Variants in TRPA1 observed in about 807,000 individuals in gnomAD.
TRPA1 encodes ankyrin-like with transmembrane domains 1.
In TRPA1, 129 loss-of-function variants were observed where a neutral mutation model predicts 131.3. The observed-to-expected ratio is 0.98, with a 90% confidence interval of 0.85 to 1.14. The LOEUF (loss-of-function observed/expected upper bound fraction) is 1.14, where lower values mean the gene tolerates loss of function less well. TRPA1 is among the 50% of genes most tolerant of loss of function. The probability of loss-of-function intolerance (pLI) is 0.00; values close to 1 mark genes in which losing one functional copy is unlikely to be tolerated. For synonymous variants in TRPA1, 441 were observed against 451.7 expected, an observed-to-expected ratio of 0.98 and a Z score of 0.30; for missense variants, 1,304 against 1,354.2, an observed-to-expected ratio of 0.96 and a Z score of 0.58.
At chr8:72,068,909 G>A (rs1256628596) in intron 3 of TRPA1, 114 bp downstream of exon 3, 1 of 1,058,570 alleles carries the variant, frequency 9.4e-7, no homozygotes, top group Non-Finnish European at 1.5e-6. Context: ...ATTGCATTTT[G>A]TTTGCCATGG....
chr8:72,083,399 T>C, the TRPA1 span, among the ~76,000 whole-genome samples: 3 of 152,278 alleles, frequency 2.0e-5, no homozygotes, highest in South Asian at 6.2e-4. Context: ...CTGGACGTTT[T>C]AGATGAATAT....
upstream of TRPA1, among the ~76,000 whole-genome samples, chr8:72,077,130 T>C (rs964090459): frequency 6.6e-6 from 1 of 152,172 alleles, no homozygotes; most frequent in African/African-American, 2.4e-5. Flanking sequence ...TTTTGATCGA[T>C]TGCTTTTCTC....
In TRPA1 at chr8:72,061,786, T is replaced by C. The variant is rs768622120; in HGVS notation, c.808-25A>G. The C allele has an allele frequency of 3.7e-6, 6 of 1,612,866 alleles. No homozygotes were observed. The South Asian group carries it at 5.5e-5, about 15-fold the overall frequency. On this transcript the variant is annotated intron_variant, in intron 6 of 26. Transcript: ENST00000262209. ...TCTGTAAAGGGTTTTAATGCTAGAA[T>C]CAATGTTTAAATCTCAATGAAAGAA... is the stretch of plus-strand genomic sequence containing the variant.
At chr8:72,045,198 C>A (rs1293302615) in intron 17 of TRPA1, among the ~76,000 whole-genome samples, 1 of 151,820 alleles carries the variant, frequency 6.6e-6, no homozygotes, top group Non-Finnish European at 1.5e-5. Flanking sequence ...GTTGCCATCA[C>A]CAGTGTTAAA....
At chr8:72,052,990 T>C in intron 13 of TRPA1, 2 of 394,308 alleles carry the variant, frequency 5.1e-6, no homozygotes, top group Non-Finnish European at 9.2e-6. Context: ...TGTGTGTGTG[T>C]GTGTGAGAGA....
At chr8:72,089,389 G>A in the TRPA1 span, among the ~76,000 whole-genome samples, 1 of 151,814 alleles carries the variant, frequency 6.6e-6, no homozygotes, top group African/African-American at 2.4e-5. Context: ...CAACCCACAC[G>A]AGTAAGACCA....
intron 17 of TRPA1, among the ~76,000 whole-genome samples, chr8:72,046,220 T>C (rs1020874267): frequency 1.3e-5 from 2 of 151,858 alleles, no homozygotes; most frequent in African/African-American, 2.4e-5. Flanking sequence ...AAAAAAAGGA[T>C]TGCTTTCTTT....
At position 72,050,845 on chromosome 8, in the gene TRPA1, C is replaced by T; in HGVS notation, c.1838G>A (p.Ser613Asn). Residue 613 changes from serine to asparagine, a missense_variant, in exon 15 of 27, where the codon AGT becomes AAT. Ser to Asn is a conservative substitution (Grantham distance 46). Coordinates refer to ENST00000262209, the MANE Select transcript of TRPA1 (RefSeq NM_007332.3). ...ACATTTATTGCCTGGAGAATTATGA[C>T]TGAAAATCTTAAGACATTCATCCCA... The part of the protein sequence containing the change: ...KRWDECLKIF[S>N]HNSPGNKCPI... 1 of 1,610,668 alleles carries T rather than the reference C, an allele frequency of 6.2e-7. No individual in the cohort carries two copies. The highest frequency in any genetic ancestry group is 8.5e-7 in the Non-Finnish European group (1 of 1,178,098).
intron 17 of TRPA1, among the ~76,000 whole-genome samples, chr8:72,041,655 T>G (rs1812255613): frequency 6.6e-6 from 1 of 151,736 alleles, no homozygotes. Context: ...AAAGTACATC[T>G]GGAAACAAAT....
At chr8:72,053,544 T>C (rs1805581664) in intron 13 of TRPA1, 1 of 583,980 alleles carries the variant, frequency 1.7e-6, no homozygotes, top group East Asian at 3.1e-5. Context: ...GACTGGAGGT[T>C]TCCCCAACAT....
chr8:72,057,631 ATGAATGTTCATTTGGCACACAG>A (rs1184525713), intron 9 of TRPA1, 64 bp downstream of exon 9: 4 of 1,023,110 alleles, frequency 3.9e-6, no homozygotes, highest in South Asian at 1.3e-5. Context: ...GTGGCACACA[ATGAATGTTCATTTGGCACACAG>A]TGAATGTTCA....
rs772226867 is a variant in TRPA1 at position 72,039,778 on chromosome 8, C to T, written c.2081G>A (p.Arg694His). 15 of 1,608,442 alleles carry T rather than the reference C, an allele frequency of 9.3e-6. No individual in the cohort carries two copies. The highest frequency in any genetic ancestry group is 1.1e-5 in the Non-Finnish European group (13 of 1,175,820). Residue 694 changes from arginine (R) to histidine (H), a missense_variant, in exon 18 of 27, where the codon CGC becomes CAC. Coordinates refer to ENST00000262209, the MANE Select transcript of TRPA1 (RefSeq NM_007332.3). ...CACAGGATGATTGAGAAGCTCTATG[C>T]GGTTATTTTGTACCATTGCCTGAGA... ...TALNAMVQNN[R>H]IELLNHPVCK...
chr8:72,054,391 G>A (rs2129435412), intron 12 of TRPA1: 1 of 154,326 alleles, frequency 6.5e-6, no homozygotes, highest in African/African-American at 2.4e-5. Context: ...CTTCCCTCTT[G>A]TGCTCTGAAA....
At chr8:72,089,428 TC>T in the TRPA1 span, among the ~76,000 whole-genome samples, 1 of 152,090 alleles carries the variant, frequency 6.6e-6, no homozygotes, top group Admixed American at 6.5e-5. Flanking sequence ...TCATGAAGAA[TC>T]TTTGCTATTT....
Position 72,038,862 on chromosome 8 carries a change from TA to T in TRPA1, c.2295+2del. The stretch of plus-strand genomic sequence containing the variant: ...ATTTTAGAAAGTTAAAATTTGAAAT[TA>T]CCGTGGTATCTAGTATTTCTGAATG... On this transcript the variant is annotated splice_donor_variant, in intron 19 of 26. Coordinates refer to ENST00000262209, the MANE Select transcript of TRPA1 (RefSeq NM_007332.3). LOFTEE classifies it high-confidence loss of function. The T allele has an allele frequency of 3.1e-6, 5 of 1,608,572 alleles. No individual in the cohort carries two copies. Among genetic ancestry groups the T allele is most frequent in the Non-Finnish European group, 4.2e-6 (5 of 1,177,398 alleles).
intron 17 of TRPA1, among the ~76,000 whole-genome samples, chr8:72,044,103 T>G (rs1812347049): frequency 6.6e-6 from 1 of 151,754 alleles, no homozygotes; most frequent in South Asian, 2.1e-4. Flanking sequence ...TGAGATATAT[T>G]TATATACAAT....
chr8:72,026,001 T>A lies in TRPA1; in HGVS notation c.3010A>T (p.Ile1004Phe). The change falls in exon 25 of 27, where the codon ATC (isoleucine) becomes TTC (phenylalanine). Residue 1004 changes from isoleucine to phenylalanine, a missense_variant. Coordinates refer to ENST00000262209, the MANE Select transcript of TRPA1 (RefSeq NM_007332.3). Reference sequence around the variant, plus strand: ...GATCTGGGTTTGTTGGGATACACGATGGTGGATTTCTGATCCACTTTGCGT... The same window carrying A: ...GATCTGGGTTTGTTGGGATACACGAAGGTGGATTTCTGATCCACTTTGCGT... ...FLRKVDQKST[I>F]VYPNKPRSGG... 6.2e-7 allele frequency: 1 copy of A among 1,614,054 alleles called. No homozygotes were observed. Among genetic ancestry groups the A allele is most frequent in the Non-Finnish European group, 8.5e-7 (1 of 1,179,930 alleles).
At position 72,059,460 on chromosome 8, in the gene TRPA1, C is replaced by T. The variant is rs772682917; in HGVS notation, c.945-22G>A. ...AGCTCTGAAAAAACAGAATTATAAA[C>T]ATTATAATTAAAGTACTATTGATGT... On this transcript the variant is annotated intron_variant, in intron 7 of 26. Coordinates refer to ENST00000262209, the MANE Select transcript of TRPA1 (RefSeq NM_007332.3). 2.1e-6 allele frequency: 3 copies of T among 1,459,384 alleles called. No homozygotes were observed. In the African/African-American group the frequency reaches 4.2e-5, roughly 20 times the overall value. The allele number at this position is 1,459,384 out of a possible 1,614,324, so 90.4% of individuals were successfully genotyped here. A position where few individuals can be genotyped will look rare whatever the true frequency, so the allele number is the denominator to read the frequency against.
the TRPA1 span, among the ~76,000 whole-genome samples, chr8:72,085,140 T>C: frequency 6.6e-6 from 1 of 152,244 alleles, no homozygotes; most frequent in Non-Finnish European, 1.5e-5. Flanking sequence ...TGTTAGTTTG[T>C]GATTTTATTG....
Sources: allele counts gnomAD v4.1 joint callset (sites outside exome capture counted in the v4.1 genomes callset), GRCh38; gene constraint gnomAD v4.1.1; transcripts MANE v1.5; gene names NCBI Gene and HGNC (gene_info 2026-07-23, HGNC 2026-07-21).